The following SLC6A5 variants were observed in gnomAD, a reference collection of about 807,000 sequenced individuals.
SLC6A5 encodes solute carrier family 6 member 5.
A neutral mutation model predicts 90.5 loss-of-function variants in SLC6A5; 58 were observed. The observed-to-expected ratio is 0.64, with a 90% CI of 0.52 to 0.80. The LOEUF (loss-of-function observed/expected upper bound fraction) is 0.80. SLC6A5 is among the 30% of genes least tolerant of loss of function. The pLI, the probability that SLC6A5 is intolerant of heterozygous loss-of-function variation, is 0.00. For missense variants in SLC6A5, 1,015 were observed against 1,017.6 expected (o/e 1.00, Z 0.03); for synonymous variants, 427 against 401.4 (o/e 1.06, Z -0.76).
intron 3 of SLC6A5, 42 bp downstream of exon 3, chr11:20,604,466 G>A (rs1362822644): frequency 1.3e-5 from 21 of 1,605,122 alleles, no homozygotes; most frequent in East Asian, 4.5e-5. Context: ...GGGGCGGGGC[G>A]GGCACCTGAG....
rs533166260 is a variant in SLC6A5, at chr11:20,654,307, C to T, written c.2239-406C>T. On this transcript the variant is annotated intron_variant, in intron 15 of 15. Coordinates refer to ENST00000525748, the MANE Select transcript of SLC6A5 (RefSeq NM_004211.5). ...ATGTAGCAATCCACTGTTGAGACTA[C>T]AGAACAAAAGTAATCAAGCACATGT... Among the ~76,000 whole-genome samples the T allele has an allele frequency of 3.9e-5, 6 of 152,134 alleles. No individual in the cohort carries two copies. The East Asian group carries it at 1.2e-3, about 29-fold the overall frequency.
chr11:20,651,543 G>A (rs1853532411), intron 14 of SLC6A5, among the ~76,000 whole-genome samples: 1 of 151,502 alleles, frequency 6.6e-6, no homozygotes, highest in African/African-American at 2.4e-5. Flanking sequence ...TAAGTGCTGG[G>A]ATTACAGGCA....
chr11:20,647,368 CTATATATTCCTATTATA>C (rs1853438108), intron 14 of SLC6A5, among the ~76,000 whole-genome samples: 1 of 129,092 alleles, frequency 7.7e-6, no homozygotes. Context: ...ATATATATAA[CTATATATTCCTATTATA>C]TAGTTATATA....
chr11:20,603,713 G>A (rs1449594492), intron 2 of SLC6A5, among the ~76,000 whole-genome samples: 1 of 152,198 alleles, frequency 6.6e-6, no homozygotes, highest in Non-Finnish European at 1.5e-5. Context: ...TTCTGGTTTG[G>A]TCAAGAAAGT....
chr11:20,652,876 A>T (rs1320050750), intron 15 of SLC6A5, among the ~76,000 whole-genome samples: 1 of 152,186 alleles, frequency 6.6e-6, no homozygotes, highest in Non-Finnish European at 1.5e-5. Context: ...TTAAACTTAA[A>T]ATCACTACCC....
At chr11:20,643,451 C>T (rs1290918091) in intron 13 of SLC6A5, among the ~76,000 whole-genome samples, 2 of 152,156 alleles carry the variant, frequency 1.3e-5, no homozygotes, top group African/African-American at 4.8e-5. Context: ...CAGTTCTTGC[C>T]TGTAGACCCA....
intron 14 of SLC6A5, among the ~76,000 whole-genome samples, chr11:20,648,639 A>T (rs901377265): frequency 1.3e-5 from 2 of 152,200 alleles, no homozygotes; most frequent in African/African-American, 4.8e-5. Context: ...CGGTGTTCCC[A>T]TCTCTACTGC....
chr11:20,628,569 C>T (rs1029318111), intron 9 of SLC6A5, among the ~76,000 whole-genome samples: 6 of 152,130 alleles, frequency 3.9e-5, no homozygotes, highest in Admixed American at 1.3e-4. Context: ...AATACAGTCA[C>T]GTTATGAGAT....
chr11:20,624,264 C>G (rs1452259312), intron 7 of SLC6A5, among the ~76,000 whole-genome samples: 5 of 151,914 alleles, frequency 3.3e-5, no homozygotes, highest in African/African-American at 1.2e-4. Context: ...AGCAATTCAC[C>G]TGCTTCAGCC....
At chr11:20,617,548 C>G (rs1025442900) in intron 6 of SLC6A5, among the ~76,000 whole-genome samples, 1 of 152,214 alleles carries the variant, frequency 6.6e-6, no homozygotes, top group African/African-American at 2.4e-5. Context: ...CAGCTGGAGT[C>G]TTTGCAGATG....
At chr11:20,636,160 A>AT (rs959051402) in intron 10 of SLC6A5, 147 bp from the exon 11 acceptor site, 36 of 705,810 alleles carry the variant, frequency 5.1e-5, no homozygotes, top group African/African-American at 1.2e-4. Flanking sequence ...GAGGAAATGG[A>AT]TAGAGATGAG....
chr11:20,611,835 C>T (rs1852699963), intron 5 of SLC6A5, among the ~76,000 whole-genome samples: 1 of 151,638 alleles, frequency 6.6e-6, no homozygotes, highest in Non-Finnish European at 1.5e-5. Flanking sequence ...CTGTCATTCT[C>T]TGTGTTATCA....
rs1852722341 is a variant in SLC6A5, at chr11:20,613,044, G to A, written c.986-1635G>A. 1.3e-5 allele frequency among the ~76,000 whole-genome samples: 2 copies of A among 151,998 alleles called. 1 individual carries two copies. Among genetic ancestry groups the A allele is most frequent in the South Asian group, 4.2e-4 (2 of 4,804 alleles). On this transcript the variant is annotated intron_variant, in intron 5 of 15. Coordinates refer to ENST00000525748, the MANE Select transcript of SLC6A5 (RefSeq NM_004211.5). ...CTTCCTCATTTGTGTCATCATCCTG[G>A]CTTCTGTAGGTGTTTGAATTTATAA...
intron 2 of SLC6A5, among the ~76,000 whole-genome samples, chr11:20,602,329 C>T (rs909549803): frequency 6.6e-6 from 1 of 152,176 alleles, no homozygotes; most frequent in African/African-American, 2.4e-5. Flanking sequence ...CAATCTTAAT[C>T]CCCTCTTGCA....
chr11:20,637,036 C>T (rs1853221231), intron 11 of SLC6A5, 136 bp from the exon 12 acceptor site: 3 of 881,688 alleles, frequency 3.4e-6, no homozygotes, highest in African/African-American at 1.6e-5. Flanking sequence ...CTTTTTAGAC[C>T]CATTGAGGGA....
rs60482134 is a variant in SLC6A5, at chr11:20,627,638, T to C, written c.1396-342T>C. On this transcript the variant is annotated intron_variant, in intron 8 of 15. Coordinates refer to ENST00000525748, the MANE Select transcript of SLC6A5 (RefSeq NM_004211.5). ...GGTTTTGATTTTGCATCCGTTGTTA[T>C]ATTTTTCTGTTGTAAATTATTATTT... Among the ~76,000 whole-genome samples the C allele has an allele frequency of 0.031, 4,658 of 152,306 alleles. 461 individuals are homozygous for C. The East Asian group carries it at 0.37, about 12-fold the overall frequency.
intron 5 of SLC6A5, 25 bp downstream of exon 5, chr11:20,607,677 G>A (rs922048852): frequency 1.9e-6 from 3 of 1,584,394 alleles, no homozygotes; most frequent in Admixed American, 3.3e-5. Flanking sequence ...ACCTGCTTTA[G>A]GTGTGTGTAT....
rs138313790 is a variant in SLC6A5 at position 20,633,519 on chromosome 11, G to A, written c.1624+2704G>A. Among the ~76,000 whole-genome samples the A allele has an allele frequency of 5.0e-3, 762 of 152,204 alleles. 4 individuals are homozygous for A. The highest frequency in any genetic ancestry group is 9.4e-3 in the Non-Finnish European group (639 of 68,012). On this transcript the variant is annotated intron_variant, in intron 10 of 15. Coordinates refer to ENST00000525748, the MANE Select transcript of SLC6A5 (RefSeq NM_004211.5). ...GAGTGGCTACCCAAGCTGTGCCATG[G>A]GCCTTGATGCATTGCACTGACCAGA...
At chr11:20,619,932 G>A (rs1196860030) in intron 7 of SLC6A5, among the ~76,000 whole-genome samples, 1 of 152,160 alleles carries the variant, frequency 6.6e-6, no homozygotes. Context: ...AGGGAGATGG[G>A]AAATGTTAAC....
Sources: gnomAD v4.1 joint callset for allele counts (sites outside exome capture counted in the v4.1 genomes callset) on GRCh38, gnomAD v4.1.1 for gene constraint, MANE v1.5 for transcripts, NCBI Gene and HGNC (gene_info 2026-07-23, HGNC 2026-07-21) for gene names.